The following GPM6A variants were observed in gnomAD, a reference collection of about 807,000 sequenced individuals.
GPM6A encodes glycoprotein M6A, also known as neuronal membrane glycoprotein M6-a.
In GPM6A, 7 loss-of-function variants were observed where a neutral mutation model predicts 32.1. The ratio of observed to expected loss-of-function variants is 0.22; its 90% CI spans 0.12 to 0.41. GPM6A has a LOEUF of 0.41. Among genes scored for constraint, GPM6A ranks in the 10% least tolerant of loss-of-function variants. The probability of loss-of-function intolerance (pLI) is 1.00; values close to 1 mark genes in which losing one functional copy is unlikely to be tolerated. For missense variants in GPM6A, 235 were observed against 347.2 expected (o/e 0.68, Z 2.57); for synonymous variants, 130 against 123.4 (o/e 1.05, Z -0.35).
At chr4:175,637,703 T>C (rs1218916381) in intron 6 of GPM6A, among the ~76,000 whole-genome samples, 1 of 2,230 alleles carries the variant, frequency 4.5e-4, no homozygotes, top group Non-Finnish European at 1.2e-3. Context: ...ATATATTATA[T>C]ATTATATATA....
chr4:175,723,680 G>A (rs559549398), intron 1 of GPM6A, among the ~76,000 whole-genome samples: 2 of 152,032 alleles, frequency 1.3e-5, no homozygotes, highest in African/African-American at 4.8e-5. Context: ...CAGCCTTGTT[G>A]CATTTGAAAA....
chr4:175,689,195 C>T (rs956022563), intron 2 of GPM6A, among the ~76,000 whole-genome samples: 3 of 152,060 alleles, frequency 2.0e-5, no homozygotes, highest in Non-Finnish European at 2.9e-5. Context: ...CTATTTGGAG[C>T]CCTTTGTGAT....
At chr4:175,898,258 G>T (rs1737854961) in intron 1 of GPM6A, among the ~76,000 whole-genome samples, 1 of 152,050 alleles carries the variant, frequency 6.6e-6, no homozygotes, top group South Asian at 2.1e-4. Flanking sequence ...CACTTCAGTG[G>T]TTCATCACTG....
intron 2 of GPM6A, among the ~76,000 whole-genome samples, chr4:175,674,649 A>G (rs73020106): frequency 0.05 from 7,552 of 152,318 alleles, 208 homozygotes; most frequent in Non-Finnish European, 0.063. Context: ...CCATATTTTT[A>G]CGTTACAGAT....
intron 1 of GPM6A, among the ~76,000 whole-genome samples, chr4:175,844,432 C>G (rs983017108): frequency 2.6e-5 from 4 of 152,106 alleles, no homozygotes; most frequent in African/African-American, 9.7e-5. Context: ...TGACATGGTT[C>G]CTTGTCACTG....
chr4:175,802,147 G>A (rs62336054), intron 1 of GPM6A, among the ~76,000 whole-genome samples: 73,112 of 151,786 alleles, frequency 0.48, 18,015 homozygotes, highest in Non-Finnish European at 0.53. Context: ...CTATGTAAAA[G>A]TAACACATAA....
At chr4:175,792,045 T>G (rs1734033286) in intron 1 of GPM6A, among the ~76,000 whole-genome samples, 1 of 152,186 alleles carries the variant, frequency 6.6e-6, no homozygotes, top group African/African-American at 2.4e-5. Context: ...TAAAAGAATT[T>G]ATAAAGCTAC....
At chr4:175,936,817 T>C (rs373050628) in intron 1 of GPM6A, among the ~76,000 whole-genome samples, 1 of 152,018 alleles carries the variant, frequency 6.6e-6, no homozygotes, top group East Asian at 1.9e-4. Context: ...ATATCCATAA[T>C]ATATTTAGAA....
At chr4:175,996,742 T>G (rs186345874) in intron 1 of GPM6A, among the ~76,000 whole-genome samples, 3 of 152,206 alleles carry the variant, frequency 2.0e-5, no homozygotes, top group Non-Finnish European at 4.4e-5. Flanking sequence ...TCTTTAATCA[T>G]GTTTTTCTCA....
intron 1 of GPM6A, chr4:175,806,061 T>C (rs1411724212): frequency 1.3e-5 from 2 of 152,198 alleles, no homozygotes; most frequent in Non-Finnish European, 2.9e-5. Context: ...ATGGATGCTA[T>C]CCAAAAGGAT....
At chr4:175,773,927 T>C (rs914349325) in intron 1 of GPM6A, among the ~76,000 whole-genome samples, 3 of 151,928 alleles carry the variant, frequency 2.0e-5, no homozygotes, top group Admixed American at 6.6e-5. Flanking sequence ...TTCATAAATA[T>C]TAAAAAATAC....
intron 1 of GPM6A, among the ~76,000 whole-genome samples, chr4:175,838,157 G>T (rs1735831826): frequency 6.8e-6 from 1 of 147,386 alleles, no homozygotes; most frequent in Non-Finnish European, 1.5e-5. Context: ...CTGTAATAAT[G>T]ACTTACATCA....
At chr4:175,862,070 T>G (rs1736591551) in intron 1 of GPM6A, among the ~76,000 whole-genome samples, 1 of 152,236 alleles carries the variant, frequency 6.6e-6, no homozygotes, top group African/African-American at 2.4e-5. Context: ...TAAGTCTTCC[T>G]ATCCAAAGCA....
chr4:175,753,825 T>C (rs1005037959), intron 1 of GPM6A, among the ~76,000 whole-genome samples: 6 of 152,144 alleles, frequency 3.9e-5, no homozygotes, highest in Admixed American at 1.3e-4. Context: ...TAAGGACCTA[T>C]GTTAATGTCC....
intron 6 of GPM6A, among the ~76,000 whole-genome samples, chr4:175,637,087 A>ATCATATATAATATATTATATGTG (rs1560841360): frequency 4.5e-4 from 30 of 66,054 alleles, no homozygotes; most frequent in African/African-American, 1.7e-3. Context: ...TATAACATAT[A>ATCATATATAATATATTATATGTG]ATATATCATA....
At chr4:175,858,042 T>C (rs1007647209) in intron 1 of GPM6A, among the ~76,000 whole-genome samples, 3 of 152,050 alleles carry the variant, frequency 2.0e-5, no homozygotes, top group Non-Finnish European at 4.4e-5. Flanking sequence ...AACTACAAAC[T>C]ATTGCCAAGA....
chr4:175,978,963 AGC>A (rs532321913), intron 1 of GPM6A, among the ~76,000 whole-genome samples: 1,762 of 140,212 alleles, frequency 0.013, 11 homozygotes, highest in South Asian at 0.032. Flanking sequence ...GTCCATTTAA[AGC>A]AAAAAAAAAA....
At chr4:175,927,119 G>A (rs1022435804) in intron 1 of GPM6A, among the ~76,000 whole-genome samples, 3 of 152,214 alleles carry the variant, frequency 2.0e-5, no homozygotes, top group African/African-American at 4.8e-5. Context: ...TGTGGAAAAT[G>A]TTTTTACTCA....
intron 1 of GPM6A, among the ~76,000 whole-genome samples, chr4:176,001,970 C>G (rs1466816224): frequency 6.6e-6 from 1 of 152,134 alleles, no homozygotes; most frequent in East Asian, 1.9e-4. Flanking sequence ...TCTTTATTTC[C>G]CAAATACCGC....
Sources: allele counts gnomAD v4.1 joint callset (sites outside exome capture counted in the v4.1 genomes callset), GRCh38; gene constraint gnomAD v4.1.1; transcripts MANE v1.5; gene names NCBI Gene and HGNC (gene_info 2026-07-23, HGNC 2026-07-21).